Variants in PDE3A observed in about 807,000 individuals in gnomAD.
The protein encoded by PDE3A is cGMP-inhibited 3',5'-cyclic phosphodiesterase 3A.
Under a neutral mutation model 98.3 loss-of-function variants are expected in PDE3A, and 43 were observed. The ratio of observed to expected loss-of-function variants is 0.44; its 90% CI spans 0.34 to 0.56. The LOEUF (loss-of-function observed/expected upper bound fraction) is 0.56, where lower values mean the gene tolerates loss of function less well. Ranked by LOEUF, PDE3A falls within the 20% of genes least tolerant of loss-of-function variation. The pLI is 0.01. For missense variants in PDE3A, 1,427 were observed against 1,440.7 expected (o/e 0.99, Z 0.15); for synonymous variants, 663 against 567.9 (o/e 1.17, Z -2.38).
intron 15 of PDE3A, among the ~76,000 whole-genome samples, chr12:20,667,930 G>A (rs901306911): frequency 6.6e-6 from 1 of 152,182 alleles, no homozygotes; most frequent in Non-Finnish European, 1.5e-5. Flanking sequence ...ATTTCCATCT[G>A]AGGTACCGGG....
chr12:20,566,047 T>G (rs1942646809), intron 2 of PDE3A, among the ~76,000 whole-genome samples: 1 of 151,866 alleles, frequency 6.6e-6, no homozygotes, highest in Admixed American at 6.6e-5. Flanking sequence ...CATGTAAACA[T>G]CAGTAAACCC....
chr12:20,620,001 A>C (rs1944095746), intron 4 of PDE3A, among the ~76,000 whole-genome samples: 1 of 152,046 alleles, frequency 6.6e-6, no homozygotes, highest in Non-Finnish European at 1.5e-5. Flanking sequence ...TTCCTTTGAG[A>C]GGTCTATTAG....
chr12:20,597,311 G>A (rs996634729), intron 2 of PDE3A, among the ~76,000 whole-genome samples: 1 of 152,072 alleles, frequency 6.6e-6, no homozygotes, highest in Non-Finnish European at 1.5e-5. Context: ...CTCATTGCTG[G>A]GTGGATCAGA....
chr12:20,654,800 C>T (rs1292982755), intron 15 of PDE3A, among the ~76,000 whole-genome samples: 2 of 151,940 alleles, frequency 1.3e-5, no homozygotes, highest in African/African-American at 4.8e-5. Context: ...GCGTGAGCCA[C>T]CGCGCCCAGC....
At chr12:20,476,466 C>T (rs542023344) in intron 1 of PDE3A, among the ~76,000 whole-genome samples, 43 of 152,224 alleles carry the variant, frequency 2.8e-4, no homozygotes, top group Non-Finnish European at 5.4e-4. Flanking sequence ...AGAATGTCAA[C>T]GGACATTTAA....
intron 2 of PDE3A, chr12:20,572,164 G>T (rs1374235183): frequency 1.6e-6 from 2 of 1,259,200 alleles, no homozygotes; most frequent in African/African-American, 3.1e-5. Flanking sequence ...AGCTTCTACT[G>T]GGAAAAGGTA....
At chr12:20,410,951 G>A (rs1006179214) in intron 1 of PDE3A, among the ~76,000 whole-genome samples, 10 of 152,052 alleles carry the variant, frequency 6.6e-5, no homozygotes, top group Admixed American at 2.6e-4. Flanking sequence ...CCATTTAGAT[G>A]TCCCCATCAA....
intron 1 of PDE3A, among the ~76,000 whole-genome samples, chr12:20,515,680 G>C (rs1946306234): frequency 6.6e-6 from 1 of 151,540 alleles, no homozygotes; most frequent in African/African-American, 2.4e-5. Flanking sequence ...CTCCTTAGTG[G>C]TGTAGAATCT....
At chr12:20,484,397 G>A (rs1945685354) in intron 1 of PDE3A, among the ~76,000 whole-genome samples, 1 of 152,120 alleles carries the variant, frequency 6.6e-6, no homozygotes, top group African/African-American at 2.4e-5. Flanking sequence ...ACAGAGTTAA[G>A]TATAATCAGT....
intron 2 of PDE3A, among the ~76,000 whole-genome samples, chr12:20,581,960 C>CAAT (rs1565437926): frequency 5.9e-5 from 9 of 151,974 alleles, no homozygotes; most frequent in African/African-American, 2.2e-4. Flanking sequence ...TCATTGACTA[C>CAAT]CAGTATAATG....
chr12:20,598,611 T>C (rs1565443818), intron 2 of PDE3A, among the ~76,000 whole-genome samples: 1 of 152,238 alleles, frequency 6.6e-6, no homozygotes, highest in Non-Finnish European at 1.5e-5. Context: ...GAACATTTTC[T>C]TAGTTGGTCA....
chr12:20,670,215 A>G (rs1278379573), intron 15 of PDE3A, among the ~76,000 whole-genome samples: 2 of 150,060 alleles, frequency 1.3e-5, no homozygotes, highest in Non-Finnish European at 3.0e-5. Context: ...TGAGTGACCT[A>G]CAAAGAGACT....
At chr12:20,623,386 T>C (rs1026237807) in intron 5 of PDE3A, among the ~76,000 whole-genome samples, 2 of 151,842 alleles carry the variant, frequency 1.3e-5, no homozygotes, top group Non-Finnish European at 2.9e-5. Context: ...CAAACAAAAA[T>C]CCTAAGGTCT....
chr12:20,535,235 C>T (rs1316275044), intron 1 of PDE3A, among the ~76,000 whole-genome samples: 1 of 152,216 alleles, frequency 6.6e-6, no homozygotes, highest in African/African-American at 2.4e-5. Context: ...GATTTCTCCT[C>T]ATCCCTGGTA....
At chr12:20,663,862 G>A (rs1392658412) in intron 15 of PDE3A, among the ~76,000 whole-genome samples, 2 of 152,114 alleles carry the variant, frequency 1.3e-5, no homozygotes, top group African/African-American at 4.8e-5. Flanking sequence ...GAGGATATTA[G>A]TTTTGGGAGA....
At chr12:20,615,990 C>G (rs1261982608) in intron 3 of PDE3A, among the ~76,000 whole-genome samples, 1 of 152,048 alleles carries the variant, frequency 6.6e-6, no homozygotes, top group East Asian at 1.9e-4. Context: ...TCCCAAAGTG[C>G]TGGAATTACA....
chr12:20,404,545 G>T (rs1354715276), intron 1 of PDE3A, among the ~76,000 whole-genome samples: 1 of 152,106 alleles, frequency 6.6e-6, no homozygotes, highest in Non-Finnish European at 1.5e-5. Flanking sequence ...TTATATGCAT[G>T]ACAGATACTC....
chr12:20,547,621 T>C (rs961249536), intron 1 of PDE3A, among the ~76,000 whole-genome samples: 7 of 152,210 alleles, frequency 4.6e-5, no homozygotes, highest in Middle Eastern at 3.4e-3. Flanking sequence ...TCCATCGTTA[T>C]CCTCTTTTTT....
chr12:20,678,374 A>G (rs1945691044), intron 15 of PDE3A, among the ~76,000 whole-genome samples: 1 of 151,632 alleles, frequency 6.6e-6, no homozygotes, highest in East Asian at 1.9e-4. Flanking sequence ...TACTCACTCC[A>G]TTGGTTCTTC....
Sources: gnomAD v4.1 joint callset for allele counts (sites outside exome capture counted in the v4.1 genomes callset) on GRCh38, gnomAD v4.1.1 for gene constraint, MANE v1.5 for transcripts, NCBI Gene and HGNC (gene_info 2026-07-23, HGNC 2026-07-21) for gene names.